The following B3GALT1 variants were observed in gnomAD, a reference collection of about 807,000 sequenced individuals.
B3GALT1 encodes UDP-Gal:betaGlcNAc beta 1,3-galactosyltransferase, polypeptide 1.
B3GALT1 carries 10 observed loss-of-function variants against 23.2 expected under a neutral mutation model. The ratio of observed to expected loss-of-function variants is 0.43; its 90% CI spans 0.27 to 0.73. The LOEUF (loss-of-function observed/expected upper bound fraction) is 0.73. Among genes scored for constraint, B3GALT1 ranks in the 30% least tolerant of loss-of-function variants. The probability of loss-of-function intolerance (pLI) is 0.21; values close to 1 mark genes in which losing one functional copy is unlikely to be tolerated. For synonymous variants in B3GALT1, 156 were observed against 141.5 expected, an observed-to-expected ratio of 1.10 and a Z score of -0.73; for missense variants, 299 against 405.4, an observed-to-expected ratio of 0.74 and a Z score of 2.25.
chr2:167,865,963 A>G (rs1559007909), intron 4 of B3GALT1, among the ~76,000 whole-genome samples: 11 of 151,764 alleles, frequency 7.2e-5, no homozygotes, highest in Non-Finnish European at 1.5e-5. Context: ...TAATCTCTCA[A>G]CCCACCCTCC....
At chr2:167,628,104 G>C (rs537785890) in intron 2 of B3GALT1, among the ~76,000 whole-genome samples, 56 of 151,780 alleles carry the variant, frequency 3.7e-4, no homozygotes, top group African/African-American at 1.2e-3. Context: ...CTGGTGAAAA[G>C]TCCTTTGTCA....
At chr2:167,792,756 G>C (rs1190121549) in intron 3 of B3GALT1, among the ~76,000 whole-genome samples, 3 of 152,078 alleles carry the variant, frequency 2.0e-5, no homozygotes, top group Non-Finnish European at 4.4e-5. Context: ...ACAATTGGCT[G>C]GATAGACACA....
At chr2:167,599,755 C>T (rs1236438546) in intron 2 of B3GALT1, among the ~76,000 whole-genome samples, 1 of 152,180 alleles carries the variant, frequency 6.6e-6, no homozygotes, top group Non-Finnish European at 1.5e-5. Context: ...TACTGTTTTA[C>T]TGCCAGAATT....
chr2:167,825,553 C>T (rs1163424165), intron 4 of B3GALT1, among the ~76,000 whole-genome samples: 2 of 151,068 alleles, frequency 1.3e-5, no homozygotes, highest in Non-Finnish European at 2.9e-5. Context: ...AATTCTCTTA[C>T]TAATTCCACG....
chr2:167,764,568 A>G (rs920260949), intron 3 of B3GALT1, among the ~76,000 whole-genome samples: 1 of 152,218 alleles, frequency 6.6e-6, no homozygotes. Context: ...TCTCGAATAC[A>G]CTTTTATACA....
At chr2:167,456,465 A>G (rs1699175531) in intron 1 of B3GALT1, among the ~76,000 whole-genome samples, 1 of 152,204 alleles carries the variant, frequency 6.6e-6, no homozygotes, top group Non-Finnish European at 1.5e-5. Context: ...CATACCATAC[A>G]TATAAATCAA....
chr2:167,865,819 A>G (rs1019431072), intron 4 of B3GALT1, among the ~76,000 whole-genome samples: 1 of 152,072 alleles, frequency 6.6e-6, no homozygotes, highest in African/African-American at 2.4e-5. Context: ...AAAAAATAAA[A>G]TAAATAAATA....
chr2:167,669,744 A>T (rs1197799851), intron 3 of B3GALT1, among the ~76,000 whole-genome samples: 2 of 152,156 alleles, frequency 1.3e-5, no homozygotes, highest in South Asian at 4.1e-4. Context: ...TCATCTATAG[A>T]TGATATATAT....
intron 1 of B3GALT1, among the ~76,000 whole-genome samples, chr2:167,407,156 G>A (rs1329248548): frequency 6.6e-6 from 1 of 152,034 alleles, no homozygotes; most frequent in East Asian, 1.9e-4. Context: ...TCTGAACACA[G>A]TAGAACAAAA....
intron 4 of B3GALT1, among the ~76,000 whole-genome samples, chr2:167,841,170 TATA>T (rs1689641398): frequency 6.9e-6 from 1 of 145,382 alleles, no homozygotes; most frequent in South Asian, 2.2e-4. Flanking sequence ...AAACTTAAAG[TATA>T]ATAATAAATA....
At chr2:167,853,113 G>A (rs921773760) in intron 4 of B3GALT1, among the ~76,000 whole-genome samples, 1 of 152,064 alleles carries the variant, frequency 6.6e-6, no homozygotes, top group Non-Finnish European at 1.5e-5. Flanking sequence ...AAGCTACAAA[G>A]GATTACTGAA....
At chr2:167,589,493 G>A (rs1684638736) in intron 2 of B3GALT1, among the ~76,000 whole-genome samples, 1 of 151,988 alleles carries the variant, frequency 6.6e-6, no homozygotes, top group East Asian at 1.9e-4. Context: ...CAAGGTGTAA[G>A]GTAAAGATTG....
intron 3 of B3GALT1, among the ~76,000 whole-genome samples, chr2:167,649,670 T>C (rs1685824607): frequency 6.6e-6 from 1 of 152,122 alleles, no homozygotes; most frequent in Non-Finnish European, 1.5e-5. Context: ...TTCCATTATA[T>C]GGATACGCTA....
intron 2 of B3GALT1, among the ~76,000 whole-genome samples, chr2:167,612,367 T>TTTATTATTATTA (rs3062675): frequency 0.031 from 4,537 of 145,074 alleles, 164 homozygotes; most frequent in African/African-American, 0.089. Flanking sequence ...TTATTAGGCC[T>TTTATTATTATTA]TTATTATTAT....
intron 2 of B3GALT1, among the ~76,000 whole-genome samples, chr2:167,498,302 T>C (rs1699805157): frequency 6.6e-6 from 1 of 152,146 alleles, no homozygotes; most frequent in Non-Finnish European, 1.5e-5. Flanking sequence ...AAACACATGG[T>C]TATAAGATTA....
At chr2:167,646,383 G>A (rs577496744) in intron 2 of B3GALT1, among the ~76,000 whole-genome samples, 50 of 152,290 alleles carry the variant, frequency 3.3e-4, no homozygotes, top group Non-Finnish European at 5.1e-4. Flanking sequence ...CTTTCCTTGC[G>A]TGAAGGGAGC....
Position 167,712,476 on chromosome 2 carries a change from T to C in B3GALT1, c.-352+65510T>C, listed in dbSNP as rs966460735. 6.6e-5 allele frequency among the ~76,000 whole-genome samples: 10 copies of C among 151,476 alleles called. No individual in the cohort carries two copies. The Admixed American group carries it at 6.6e-4, about 10-fold the overall frequency. On this transcript the variant is annotated intron_variant, in intron 3 of 4. Coordinates refer to ENST00000392690, the MANE Select transcript of B3GALT1 (RefSeq NM_020981.4). The stretch of plus-strand genomic sequence containing the variant: ...CATAGAGCACAGCCAGATGGCAGCC[T>C]GGGGGGAAGCAAAACCCAGCATTTC...
chr2:167,576,520 G>GTTTTTTTTTTT (rs67961883), intron 2 of B3GALT1, among the ~76,000 whole-genome samples: 1 of 122,422 alleles, frequency 8.2e-6, no homozygotes, highest in Non-Finnish European at 1.8e-5. Context: ...TTGTTTTTCT[G>GTTTTTTTTTTT]TTTTTTTTTT....
chr2:167,437,053 A>G (rs1698796696), intron 1 of B3GALT1, among the ~76,000 whole-genome samples: 1 of 152,142 alleles, frequency 6.6e-6, no homozygotes. Flanking sequence ...TGTATCCCCA[A>G]GCTCCTTTCA....
Sources: allele counts gnomAD v4.1 joint callset (sites outside exome capture counted in the v4.1 genomes callset), GRCh38; gene constraint gnomAD v4.1.1; transcripts MANE v1.5; gene names NCBI Gene and HGNC (gene_info 2026-07-23, HGNC 2026-07-21).